The following LYPLA1 variants were observed in gnomAD, a reference collection of about 807,000 sequenced individuals.
LYPLA1 encodes the protein lysophospholipase 1.
In LYPLA1, 17 loss-of-function variants were observed where a neutral mutation model predicts 34.0. The observed-to-expected ratio is 0.50, with a 90% confidence interval of 0.34 to 0.75. LYPLA1 has a LOEUF of 0.75. Ranked by LOEUF, LYPLA1 falls within the 30% of genes least tolerant of loss-of-function variation. LYPLA1 has a pLI of 0.01. For synonymous variants in LYPLA1, 98 were observed against 100.8 expected (o/e 0.97, Z 0.17); for missense variants, 203 against 288.8 (o/e 0.70, Z 2.15).
intron 7 of LYPLA1, 128 bp downstream of exon 7, chr8:54,052,527 G>A (rs1213645621): frequency 7.9e-6 from 5 of 632,014 alleles, no homozygotes; most frequent in African/African-American, 7.4e-5. Context: ...CAGTTTTGCT[G>A]TGAATTTAGA....
At chr8:54,050,898 C>T in intron 8 of LYPLA1, 114 bp downstream of exon 8, 1 of 1,099,292 alleles carries the variant, frequency 9.1e-7, no homozygotes, top group East Asian at 2.4e-5. Context: ...TAACTTATGA[C>T]TCAATATGAA....
Position 54,049,889 on chromosome 8 carries a change from C to A in LYPLA1, c.639+1123G>T, listed in dbSNP as rs1586068342. ...CCCAAACATCCAAGGTCACAGGTGG[C>A]TTAATATTGGGTACTTTCTTCCTAA... is the stretch of plus-strand genomic sequence containing the variant. On this transcript the variant is annotated intron_variant, in intron 8 of 8. Coordinates refer to ENST00000316963, the MANE Select transcript of LYPLA1 (RefSeq NM_006330.4). 2.0e-5 allele frequency among the ~76,000 whole-genome samples: 3 copies of A among 152,310 alleles called. No homozygotes were observed. In the East Asian group the frequency reaches 5.8e-4, roughly 29 times the overall value.
chr8:54,080,291 G>C (rs1462262257), intron 2 of LYPLA1, among the ~76,000 whole-genome samples: 1 of 151,760 alleles, frequency 6.6e-6, no homozygotes, highest in Non-Finnish European at 1.5e-5. Flanking sequence ...GGTGGGAGTT[G>C]TACTGAGCCA....
rs1403360772 is a variant in LYPLA1, at chr8:54,047,497, G to A, written c.*568C>T. Reference sequence around the variant, plus strand: ...AAATAAAAGGGCCATTAATTGAAGAGAACGATTTTACTTTTTCTTGACAAT... The same window carrying A: ...AAATAAAAGGGCCATTAATTGAAGAAAACGATTTTACTTTTTCTTGACAAT... On this transcript the variant is annotated 3_prime_UTR_variant, in exon 9 of 9. Coordinates refer to ENST00000316963, the MANE Select transcript of LYPLA1 (RefSeq NM_006330.4). 1 of 151,798 alleles carries A rather than the reference G, an allele frequency of 6.6e-6. No homozygotes were observed. The highest frequency in any genetic ancestry group is 2.1e-4 in the South Asian group (1 of 4,824). 9.4% of individuals were successfully genotyped at this position (151,798 alleles called of 1,614,324 possible). A position where few individuals can be genotyped will look rare whatever the true frequency, so the allele number is the denominator to read the frequency against.
intron 2 of LYPLA1, among the ~76,000 whole-genome samples, chr8:54,094,876 C>G (rs555991941): frequency 3.7e-4 from 56 of 152,274 alleles, no homozygotes; most frequent in African/African-American, 1.0e-3. Flanking sequence ...AAATAAATAA[C>G]TAACTTGATT....
At position 54,055,403 on chromosome 8, in the gene LYPLA1, G is replaced by A. The variant is rs997533406; in HGVS notation, c.287-270C>T. On this transcript the variant is annotated intron_variant, in intron 5 of 8. Transcript: ENST00000316963. ...CTAGGAATTAAACAAAGAAGTGAACGGTCTCTATAATGAAAACTATAAAAC... is the reference window on the plus strand; with the variant it reads ...CTAGGAATTAAACAAAGAAGTGAACAGTCTCTATAATGAAAACTATAAAAC... 1.1e-4 allele frequency among the ~76,000 whole-genome samples: 16 copies of A among 151,784 alleles called. 1 individual carries two copies. The highest frequency in any genetic ancestry group is 8.5e-4 in the Admixed American group (13 of 15,226).
intron 2 of LYPLA1, among the ~76,000 whole-genome samples, chr8:54,088,931 T>C (rs1808996652): frequency 6.6e-6 from 1 of 152,180 alleles, no homozygotes; most frequent in African/African-American, 2.4e-5. Context: ...ACAAAATAGA[T>C]GAGCCTGAAA....
In LYPLA1 at chr8:54,088,047, G is replaced by A. The variant is rs113283697; in HGVS notation, c.101+12861C>T. ...CAAAGGTAGAGGAGAACAAAGGAAGGAGGAAGTTAACTTGTGGAATGCTGA... is the reference window on the plus strand; with the variant it reads ...CAAAGGTAGAGGAGAACAAAGGAAGAAGGAAGTTAACTTGTGGAATGCTGA... On this transcript the variant is annotated intron_variant, in intron 2 of 8. Coordinates refer to ENST00000316963, the MANE Select transcript of LYPLA1 (RefSeq NM_006330.4). 2.6e-5 allele frequency among the ~76,000 whole-genome samples: 4 copies of A among 152,328 alleles called. 1 individual carries two copies. The highest frequency in any genetic ancestry group is 7.2e-5 in the African/African-American group (3 of 41,574).
intron 2 of LYPLA1, among the ~76,000 whole-genome samples, chr8:54,090,405 T>G (rs183784478): frequency 6.6e-6 from 1 of 152,352 alleles, no homozygotes; most frequent in African/African-American, 2.4e-5. Flanking sequence ...AAGGCTCTAT[T>G]AGAAATTACT....
intron 2 of LYPLA1, among the ~76,000 whole-genome samples, chr8:54,072,592 T>G (rs182250578): frequency 6.6e-6 from 1 of 152,106 alleles, no homozygotes; most frequent in East Asian, 1.9e-4. Context: ...TTCCTTTACT[T>G]TCTTAATAAA....
At chr8:54,090,115 G>C (rs1809116460) in intron 2 of LYPLA1, among the ~76,000 whole-genome samples, 1 of 152,218 alleles carries the variant, frequency 6.6e-6, no homozygotes, top group African/African-American at 2.4e-5. Context: ...ATAGCTCTGG[G>C]AACAGAATGC....
intron 2 of LYPLA1, among the ~76,000 whole-genome samples, chr8:54,072,736 T>A (rs1248503759): frequency 6.6e-6 from 1 of 151,968 alleles, no homozygotes; most frequent in African/African-American, 2.4e-5. Flanking sequence ...CCCAGCACTT[T>A]GGGTAGCGGA....
intron 6 of LYPLA1, among the ~76,000 whole-genome samples, chr8:54,054,290 T>C (rs774943472): frequency 6.6e-6 from 1 of 152,166 alleles, no homozygotes; most frequent in Non-Finnish European, 1.5e-5. Context: ...GCCTGGATCA[T>C]TAATTTCTGT....
chr8:54,072,061 G>A (rs1231220137), intron 2 of LYPLA1, among the ~76,000 whole-genome samples: 2 of 152,028 alleles, frequency 1.3e-5, no homozygotes. Flanking sequence ...AAACAGAATA[G>A]ACAGCACAGA....
At chr8:54,075,716 T>C (rs944715630) in intron 2 of LYPLA1, among the ~76,000 whole-genome samples, 2 of 152,230 alleles carry the variant, frequency 1.3e-5, no homozygotes, top group Admixed American at 1.3e-4. Context: ...AATGCCTAGA[T>C]GTAATCACTC....
intron 8 of LYPLA1, among the ~76,000 whole-genome samples, chr8:54,049,287 C>T (rs1032372582): frequency 3.3e-5 from 5 of 152,238 alleles, no homozygotes; most frequent in African/African-American, 9.6e-5. Flanking sequence ...TCCAGGCCTC[C>T]GGCCTCCTTC....
intron 5 of LYPLA1, among the ~76,000 whole-genome samples, chr8:54,061,533 G>A (rs779168905): frequency 2.6e-5 from 4 of 152,132 alleles, no homozygotes; most frequent in South Asian, 2.1e-4. Context: ...GAGTCCATGC[G>A]GACACTGTGG....
chr8:54,073,475 C>A, intron 2 of LYPLA1: 1 of 760,388 alleles, frequency 1.3e-6, no homozygotes, highest in Non-Finnish European at 2.5e-6. Flanking sequence ...TGATGTATGG[C>A]ATCTCATAGC....
In LYPLA1 at chr8:54,051,321, T is replaced by A. The variant is rs1288919650; in HGVS notation, c.463-133A>T. The A allele has an allele frequency of 4.2e-6, 3 of 722,540 alleles. No individual in the cohort carries two copies. In the East Asian group the frequency reaches 8.2e-5, roughly 20 times the overall value. The allele number at this position is 722,540 out of a possible 1,614,324, so 44.8% of individuals were successfully genotyped here. A position where few individuals can be genotyped will look rare whatever the true frequency, so the allele number is the denominator to read the frequency against. ...TTACATTTGGCCAAAAAAATAAAATTCCTTCATCCATATACTCACCACATC... is the reference window on the plus strand; with the variant it reads ...TTACATTTGGCCAAAAAAATAAAATACCTTCATCCATATACTCACCACATC... On this transcript the variant is annotated intron_variant, in intron 7 of 8. Coordinates refer to ENST00000316963, the MANE Select transcript of LYPLA1 (RefSeq NM_006330.4).
Sources: allele counts gnomAD v4.1 joint callset (sites outside exome capture counted in the v4.1 genomes callset), GRCh38; gene constraint gnomAD v4.1.1; transcripts MANE v1.5; gene names NCBI Gene and HGNC (gene_info 2026-07-23, HGNC 2026-07-21).